CABCOCO1: variants seen among roughly 807,000 people sequenced by gnomAD.
CABCOCO1 encodes ciliary associated calcium binding coiled-coil 1.
CABCOCO1 carries 28 observed loss-of-function variants against 35.7 expected under a neutral mutation model. The observed-to-expected ratio is 0.78, with a 90% CI of 0.58 to 1.07. The LOEUF is 1.07. Ranked by LOEUF, CABCOCO1 falls within the 50% of genes least tolerant of loss-of-function variation. The pLI is 0.00. For missense variants in CABCOCO1, 326 were observed against 309.2 expected, an observed-to-expected ratio of 1.05 and a Z score of -0.41; for synonymous variants, 95 against 100.1, an observed-to-expected ratio of 0.95 and a Z score of 0.30.
intron 4 of CABCOCO1, 118 bp from the exon 5 acceptor site, chr10:61,690,431 T>C (rs1840101016): frequency 3.3e-6 from 2 of 602,000 alleles, no homozygotes; most frequent in South Asian, 2.3e-5. Context: ...AAGTCTGTTT[T>C]AGTGTCTGAT....
intron 2 of CABCOCO1, among the ~76,000 whole-genome samples, chr10:61,675,491 C>T (rs1839485430): frequency 6.6e-6 from 1 of 152,012 alleles, no homozygotes; most frequent in South Asian, 2.1e-4. Context: ...AGAGATTTCA[C>T]CAAAATATTT....
At chr10:61,725,714 A>C (rs986614829) in intron 5 of CABCOCO1, among the ~76,000 whole-genome samples, 2 of 152,180 alleles carry the variant, frequency 1.3e-5, no homozygotes, top group Non-Finnish European at 1.5e-5. Context: ...CATATGTAAC[A>C]AACCTGCACA....
intron 5 of CABCOCO1, among the ~76,000 whole-genome samples, chr10:61,742,164 C>A (rs7086621): frequency 6.6e-6 from 1 of 151,806 alleles, no homozygotes; most frequent in Non-Finnish European, 1.5e-5. Flanking sequence ...ATTAAGAATG[C>A]CTTCCAGGAT....
intron 4 of CABCOCO1, among the ~76,000 whole-genome samples, chr10:61,688,173 T>C (rs1840023722): frequency 1.3e-5 from 2 of 152,124 alleles, no homozygotes; most frequent in Non-Finnish European, 2.9e-5. Context: ...AAAAAAACAG[T>C]TTAATGACAA....
intron 2 of CABCOCO1, among the ~76,000 whole-genome samples, chr10:61,680,514 T>G (rs1839700973): frequency 7.2e-6 from 1 of 138,638 alleles, no homozygotes; most frequent in African/African-American, 2.7e-5. Context: ...TTATGTTATA[T>G]ATAACATATT....
At chr10:61,722,754 A>T (rs1841053065) in intron 5 of CABCOCO1, among the ~76,000 whole-genome samples, 2 of 152,134 alleles carry the variant, frequency 1.3e-5, no homozygotes, top group South Asian at 4.1e-4. Flanking sequence ...CCAATACAAA[A>T]AAATACGTAA....
In CABCOCO1 at chr10:61,690,589, T is replaced by C; in HGVS notation, c.520T>C (p.Ser174Pro). 1.9e-6 allele frequency: 3 copies of C among 1,607,208 alleles called. No individual in the cohort carries two copies. The highest frequency in any genetic ancestry group is 2.6e-6 in the Non-Finnish European group (3 of 1,174,594). ...CAAGCTATACGAGTTTATGTTCTAC[T>C]CTGCCAGGGAAGAAATTGTGATAGG... is the stretch of plus-strand genomic sequence containing the variant. Reference protein sequence around the residue: ...HYKLYEFMFYSAREEIVIGTE... With the variant: ...HYKLYEFMFYPAREEIVIGTE... Residue 174 changes from serine to proline, a missense_variant, in exon 5 of 8, where the codon TCT (serine) becomes CCT (proline). Transcript: ENST00000648843.
At chr10:61,749,964 G>A (rs1251088341) in intron 5 of CABCOCO1, among the ~76,000 whole-genome samples, 4 of 96,974 alleles carry the variant, frequency 4.1e-5, no homozygotes, top group African/African-American at 1.1e-4. Context: ...CAATAAATGA[G>A]AGCTGCTTTT....
intron 5 of CABCOCO1, among the ~76,000 whole-genome samples, chr10:61,759,521 C>T (rs1323343767): frequency 2.0e-5 from 3 of 151,964 alleles, no homozygotes; most frequent in Admixed American, 2.0e-4. Context: ...TCTTGCCTTG[C>T]CCTGTGTGTT....
intron 5 of CABCOCO1, among the ~76,000 whole-genome samples, chr10:61,751,147 A>G (rs567069313): frequency 6.6e-6 from 1 of 151,564 alleles, no homozygotes; most frequent in Non-Finnish European, 1.5e-5. Context: ...CACAGGCAAT[A>G]CAGGGCTGAG....
At chr10:61,755,514 T>C (rs12766484) in intron 5 of CABCOCO1, among the ~76,000 whole-genome samples, 2,378 of 152,188 alleles carry the variant, frequency 0.016, 40 homozygotes, top group East Asian at 0.047. Flanking sequence ...CATCTGACAA[T>C]TCCAAACAAA....
chr10:61,683,079 C>T (rs113263527), intron 3 of CABCOCO1, among the ~76,000 whole-genome samples: 4,410 of 151,852 alleles, frequency 0.029, 236 homozygotes, highest in African/African-American at 0.1. Context: ...TTAGTACAGA[C>T]GGGGTTTCGC....
chr10:61,758,872 A>T (rs1412360112), intron 5 of CABCOCO1, among the ~76,000 whole-genome samples: 1 of 152,116 alleles, frequency 6.6e-6, no homozygotes, highest in Non-Finnish European at 1.5e-5. Flanking sequence ...TTGTAAGACC[A>T]AAAACAAACC....
chr10:61,667,957 G>T (rs934151794), intron 1 of CABCOCO1, among the ~76,000 whole-genome samples: 3 of 151,916 alleles, frequency 2.0e-5, no homozygotes, highest in Non-Finnish European at 4.4e-5. Flanking sequence ...TCATAAGAAT[G>T]ACTTAGGATT....
intron 5 of CABCOCO1, chr10:61,701,646 A>G: frequency 1.0e-6 from 1 of 985,210 alleles, no homozygotes; most frequent in East Asian, 1.1e-4. Context: ...ATCCATTAAT[A>G]ATCCACACTT....
At chr10:61,722,446 A>T (rs1589140651) in intron 5 of CABCOCO1, among the ~76,000 whole-genome samples, 1 of 152,150 alleles carries the variant, frequency 6.6e-6, no homozygotes, top group African/African-American at 2.4e-5. Context: ...TCTACAAATT[A>T]ATTGCCAAAC....
chr10:61,732,303 T>C (rs933647830), intron 5 of CABCOCO1, among the ~76,000 whole-genome samples: 5 of 152,042 alleles, frequency 3.3e-5, no homozygotes, highest in African/African-American at 1.2e-4. Context: ...CCATCAAAAA[T>C]TTAGAGAACT....
At chr10:61,678,129 CA>C (rs992825766) in intron 2 of CABCOCO1, among the ~76,000 whole-genome samples, 5 of 151,922 alleles carry the variant, frequency 3.3e-5, no homozygotes, top group Non-Finnish European at 7.4e-5. Flanking sequence ...CTCCCAGCAC[CA>C]TTTTTGAAGA....
At position 61,764,264 on chromosome 10, in the gene CABCOCO1, GA is replaced by G. The variant is rs1367808214; in HGVS notation, c.817-1672del. Among the ~76,000 whole-genome samples the G allele has an allele frequency of 9.2e-5, 14 of 152,186 alleles. No individual in the cohort carries two copies. The East Asian group carries it at 2.5e-3, about 27-fold the overall frequency. ...GTGGCGCAATTCTTCCCAATCCTTT[GA>G]AATTGTGGTAAAATTATTTCAAACC... On this transcript the variant is annotated intron_variant, in intron 7 of 7. Coordinates refer to ENST00000648843, the MANE Select transcript of CABCOCO1 (RefSeq NM_001366906.2).
Sources: allele counts gnomAD v4.1 joint callset (sites outside exome capture counted in the v4.1 genomes callset), GRCh38; gene constraint gnomAD v4.1.1; transcripts MANE v1.5; gene names NCBI Gene and HGNC (gene_info 2026-07-23, HGNC 2026-07-21).